Variants in SEMA3A observed in about 807,000 individuals in gnomAD.
SEMA3A encodes the protein semaphorin-3A.
A neutral mutation model predicts 97.9 loss-of-function variants in SEMA3A; 29 were observed. The ratio of observed to expected loss-of-function variants is 0.30; its 90% CI spans 0.22 to 0.40. The LOEUF is 0.40. Ranked by LOEUF, SEMA3A falls within the 10% of genes least tolerant of loss-of-function variation. SEMA3A has a pLI of 1.00. For missense variants in SEMA3A, 763 were observed against 951.3 expected (o/e 0.80, Z 2.60); for synonymous variants, 321 against 323.7 (o/e 0.99, Z 0.09).
intron 1 of SEMA3A, among the ~76,000 whole-genome samples, chr7:84,451,415 C>T (rs1476741877): frequency 2.6e-5 from 4 of 152,204 alleles, no homozygotes; most frequent in Non-Finnish European, 5.9e-5. Context: ...TTTTGCCCAG[C>T]TATCACAAAT....
In SEMA3A at chr7:84,398,643, A is replaced by ATT. The variant is rs60622660; in HGVS notation, c.-245-26745_-245-26744dup. ...CATAGCAAAACTCTGTCTCTATATA[A>ATT]TTTTTTTTGTTTTAATTAGCCAAAC... On this transcript the variant is annotated intron_variant, in intron 1 of 3. Coordinates refer to the SEMA3A transcript ENST00000424555. Among the ~76,000 whole-genome samples the ATT allele has an allele frequency of 8.0e-5, 12 of 150,556 alleles. No individual in the cohort carries two copies. The South Asian group carries it at 8.9e-4, about 11-fold the overall frequency.
intron 12 of SEMA3A, among the ~76,000 whole-genome samples, chr7:84,000,010 T>G (rs1032285369): frequency 6.6e-6 from 1 of 152,244 alleles, no homozygotes; most frequent in South Asian, 2.1e-4. Flanking sequence ...TTTATTTCAT[T>G]TTTTCATCAA....
At chr7:84,441,882 CA>C (rs1286092708) in intron 1 of SEMA3A, among the ~76,000 whole-genome samples, 1 of 152,018 alleles carries the variant, frequency 6.6e-6, no homozygotes, top group African/African-American at 2.4e-5. Flanking sequence ...GGGCTAAATT[CA>C]AAATGCAAAA....
At chr7:84,107,465 G>C (rs1270126773) in intron 4 of SEMA3A, among the ~76,000 whole-genome samples, 1 of 152,198 alleles carries the variant, frequency 6.6e-6, no homozygotes, top group Admixed American at 6.5e-5. Flanking sequence ...GTCTGGAACA[G>C]TATTTCACAA....
chr7:84,010,883 T>C (rs965343900), intron 9 of SEMA3A, 139 bp downstream of exon 9: 6 of 573,378 alleles, frequency 1.0e-5, no homozygotes, highest in African/African-American at 9.3e-5. Flanking sequence ...ATAACTTCTT[T>C]CAGTCACCCA....
intron 3 of SEMA3A, among the ~76,000 whole-genome samples, chr7:84,125,244 T>C (rs768782117): frequency 6.6e-6 from 1 of 152,188 alleles, no homozygotes; most frequent in African/African-American, 2.4e-5. Context: ...CTTTTAAAAA[T>C]GTGTGTCTCT....
chr7:84,076,194 A>G (rs987027150), intron 4 of SEMA3A, among the ~76,000 whole-genome samples: 7 of 152,266 alleles, frequency 4.6e-5, no homozygotes, highest in African/African-American at 1.7e-4. Context: ...TGAATAATTC[A>G]TTTTCTAGGA....
intron 2 of SEMA3A, among the ~76,000 whole-genome samples, chr7:84,320,902 G>A (rs2115907535): frequency 6.6e-6 from 1 of 152,106 alleles, no homozygotes; most frequent in East Asian, 1.9e-4. Flanking sequence ...TAAAATTATT[G>A]TTAAGATGAA....
chr7:84,330,743 G>T (rs1010898477), intron 2 of SEMA3A, among the ~76,000 whole-genome samples: 1 of 151,862 alleles, frequency 6.6e-6, no homozygotes, highest in Non-Finnish European at 1.5e-5. Context: ...AATACTACAA[G>T]CACTTTTTTT....
At chr7:84,041,756 C>G (rs1792140771) in intron 6 of SEMA3A, among the ~76,000 whole-genome samples, 1 of 152,078 alleles carries the variant, frequency 6.6e-6, no homozygotes, top group African/African-American at 2.4e-5. Flanking sequence ...CTCAGCTTCT[C>G]TAACACTCAT....
chr7:84,363,539 A>G (rs1478988960), intron 2 of SEMA3A, among the ~76,000 whole-genome samples: 2 of 151,862 alleles, frequency 1.3e-5, no homozygotes, highest in Non-Finnish European at 2.9e-5. Flanking sequence ...TAATTGACCT[A>G]AGATTTTTAA....
At chr7:83,966,717 C>CT (rs35906806) in intron 15 of SEMA3A, among the ~76,000 whole-genome samples, 1,805 of 147,610 alleles carry the variant, frequency 0.012, 84 homozygotes, top group East Asian at 0.11. Context: ...AATTTTTTTT[C>CT]TTTTTTTTTT....
chr7:84,317,096 G>A (rs958313727), intron 2 of SEMA3A, among the ~76,000 whole-genome samples: 5 of 152,126 alleles, frequency 3.3e-5, no homozygotes, highest in African/African-American at 1.2e-4. Context: ...CTATCCCTCA[G>A]GCTAAATTTG....
chr7:83,969,732 G>T (rs1246346558), intron 15 of SEMA3A, among the ~76,000 whole-genome samples: 1 of 152,142 alleles, frequency 6.6e-6, no homozygotes, highest in Non-Finnish European at 1.5e-5. Flanking sequence ...GTTTAATAAT[G>T]TTATAAAAAT....
intron 5 of SEMA3A, among the ~76,000 whole-genome samples, chr7:84,054,109 A>T (rs1283369481): frequency 7.3e-5 from 11 of 151,652 alleles, no homozygotes; most frequent in African/African-American, 2.2e-4. Context: ...CTTCCCTTTG[A>T]GGGTAACCCG....
chr7:84,162,131 T>G (rs1030631684), intron 1 of SEMA3A, among the ~76,000 whole-genome samples: 2 of 152,182 alleles, frequency 1.3e-5, no homozygotes, highest in African/African-American at 4.8e-5. Context: ...GATAAGCATA[T>G]GTTTTGATAA....
rs999490384 is a variant in SEMA3A at position 84,055,594 on chromosome 7, G to A, written c.547+4871C>T. 4.6e-4 allele frequency among the ~76,000 whole-genome samples: 69 copies of A among 151,346 alleles called. 1 individual carries two copies. In the Middle Eastern group the frequency reaches 0.014, roughly 30 times the overall value. On this transcript the variant is annotated intron_variant, in intron 5 of 16. Coordinates refer to ENST00000265362, the MANE Select transcript of SEMA3A (RefSeq NM_006080.3). Reference sequence around the variant, plus strand: ...ACGGTGCGCGCACCCACTGACCTGCGCCCACTGTCTGGCACTCCCTAGTGA... The same window carrying A: ...ACGGTGCGCGCACCCACTGACCTGCACCCACTGTCTGGCACTCCCTAGTGA...
At chr7:84,292,500 T>C (rs17158808) in intron 3 of SEMA3A, among the ~76,000 whole-genome samples, 2,682 of 151,710 alleles carry the variant, frequency 0.018, 81 homozygotes, top group African/African-American at 0.062. Context: ...TCTAGTTTAA[T>C]CACCTGAGTA....
chr7:84,456,808 A>G (rs1339812173), intron 1 of SEMA3A, among the ~76,000 whole-genome samples: 1 of 151,854 alleles, frequency 6.6e-6, no homozygotes, highest in Non-Finnish European at 1.5e-5. Flanking sequence ...AGGCAAATAT[A>G]TATCCATTTG....
Sources: allele counts gnomAD v4.1 joint callset (sites outside exome capture counted in the v4.1 genomes callset), GRCh38; gene constraint gnomAD v4.1.1; transcripts MANE v1.5; gene names NCBI Gene and HGNC (gene_info 2026-07-23, HGNC 2026-07-21).